C12orf54: variants seen among roughly 807,000 people sequenced by gnomAD.
The protein encoded by C12orf54 is uncharacterized protein C12orf54.
A neutral mutation model predicts 26.4 loss-of-function variants in C12orf54; 24 were observed. The observed-to-expected ratio is 0.91, with a 90% confidence interval of 0.66 to 1.28. C12orf54 has a LOEUF of 1.28. Among genes scored for constraint, C12orf54 ranks in the 50% most tolerant of loss-of-function variants. The probability of loss-of-function intolerance (pLI) is 0.00; values close to 1 mark genes in which losing one functional copy is unlikely to be tolerated. For missense variants in C12orf54, 154 were observed against 150.9 expected (o/e 1.02, Z -0.11); for synonymous variants, 54 against 47.0 (o/e 1.15, Z -0.61).
At chr12:48,467,515 A>G in the C12orf54 span, among the ~76,000 whole-genome samples, 2 of 152,208 alleles carry the variant, frequency 1.3e-5, no homozygotes, top group East Asian at 3.8e-4. Context: ...ATTATTCTGA[A>G]TGAAAGAACC....
chr12:48,475,023 C>A, the C12orf54 span, among the ~76,000 whole-genome samples: 1 of 152,214 alleles, frequency 6.6e-6, no homozygotes, highest in Admixed American at 6.5e-5. Flanking sequence ...ACACCTCACA[C>A]AGCCGGGTAC....
chr12:48,458,688 T>C, the C12orf54 span, among the ~76,000 whole-genome samples: 5 of 152,130 alleles, frequency 3.3e-5, no homozygotes, highest in Non-Finnish European at 7.4e-5. Context: ...TAGTCATTAT[T>C]GTTTTATGCC....
At chr12:48,414,074 T>A in the C12orf54 span, among the ~76,000 whole-genome samples, 3 of 152,248 alleles carry the variant, frequency 2.0e-5, no homozygotes, top group African/African-American at 7.2e-5. Context: ...CAATTACAGA[T>A]TGATAAAGCG....
chr12:48,472,639 G>C, the C12orf54 span: 11 of 1,613,442 alleles, frequency 6.8e-6, no homozygotes, highest in Non-Finnish European at 9.3e-6. Flanking sequence ...GCTGGCTCAG[G>C]AGCCTCTGCA....
chr12:48,461,543 G>C, the C12orf54 span, among the ~76,000 whole-genome samples: 1 of 151,652 alleles, frequency 6.6e-6, no homozygotes. Flanking sequence ...TATTTTATCT[G>C]ATTATTAAGC....
chr12:48,420,129 A>T, the C12orf54 span, among the ~76,000 whole-genome samples: 14 of 152,164 alleles, frequency 9.2e-5, no homozygotes, highest in Middle Eastern at 3.4e-3. Context: ...TTACCCCAAG[A>T]ATGTGATGCA....
At chr12:48,493,063 T>C (rs1937826988) in intron 7 of C12orf54, 68 bp downstream of exon 7, 2 of 1,395,232 alleles carry the variant, frequency 1.4e-6, no homozygotes, top group East Asian at 4.6e-5. Context: ...GTGCTGGCCA[T>C]GAATATAGCT....
At chr12:48,439,124 G>A in the C12orf54 span, among the ~76,000 whole-genome samples, 1 of 152,258 alleles carries the variant, frequency 6.6e-6, no homozygotes, top group East Asian at 1.9e-4. Flanking sequence ...AGACATTTAT[G>A]CAGCCAAAAA....
chr12:48,473,266 A>T, the C12orf54 span: 4 of 1,077,100 alleles, frequency 3.7e-6, no homozygotes, highest in Non-Finnish European at 5.6e-6. Flanking sequence ...CGTGAAGAGG[A>T]GGACGTGAGT....
the C12orf54 span, among the ~76,000 whole-genome samples, chr12:48,464,457 A>G: frequency 1.3e-5 from 2 of 152,196 alleles, no homozygotes; most frequent in Non-Finnish European, 2.9e-5. Context: ...TTCCATGGTC[A>G]TGGATAGGAA....
the C12orf54 span, among the ~76,000 whole-genome samples, chr12:48,470,800 A>T: frequency 2.6e-5 from 4 of 151,908 alleles, no homozygotes; most frequent in East Asian, 7.7e-4. Context: ...TTCAATTTTT[A>T]TGTTTATTTA....
the C12orf54 span, among the ~76,000 whole-genome samples, chr12:48,415,417 A>G: frequency 1.3e-5 from 2 of 152,130 alleles, no homozygotes; most frequent in Admixed American, 1.3e-4. Context: ...AATATTGCCA[A>G]CTACTTTTAA....
chr12:48,481,229 A>G (rs1428770234), upstream of C12orf54, among the ~76,000 whole-genome samples: 2 of 151,950 alleles, frequency 1.3e-5, no homozygotes, highest in African/African-American at 2.4e-5. Flanking sequence ...TGACTTTTGG[A>G]TAGCAAAAGA....
At chr12:48,477,845 T>C (rs1954159574), upstream of C12orf54, among the ~76,000 whole-genome samples, 2 of 152,188 alleles carry the variant, frequency 1.3e-5, no homozygotes, top group South Asian at 4.1e-4. Context: ...CCAATCCTTC[T>C]GAAACTATTC....
chr12:48,450,890 C>G, the C12orf54 span, among the ~76,000 whole-genome samples: 3 of 152,176 alleles, frequency 2.0e-5, no homozygotes, highest in African/African-American at 7.2e-5. Flanking sequence ...CTAAATTCTA[C>G]CAGAGGTACA....
upstream of C12orf54, among the ~76,000 whole-genome samples, chr12:48,478,234 G>C (rs146775756): frequency 1.6e-3 from 239 of 152,272 alleles, 2 homozygotes; most frequent in African/African-American, 5.2e-3. Flanking sequence ...ATTAGGTATT[G>C]ATGGAACTTA....
At chr12:48,439,245 A>G in the C12orf54 span, among the ~76,000 whole-genome samples, 5 of 152,178 alleles carry the variant, frequency 3.3e-5, no homozygotes, top group Non-Finnish European at 4.4e-5. Context: ...AAGTCAGGAA[A>G]CAACAGGTGC....
chr12:48,437,022 G>A, the C12orf54 span, among the ~76,000 whole-genome samples: 1 of 150,668 alleles, frequency 6.6e-6, no homozygotes, highest in Non-Finnish European at 1.5e-5. Context: ...GACTAATAAA[G>A]AAGAGAGAAG....
chr12:48,473,655 G>A, the C12orf54 span: 2 of 256,688 alleles, frequency 7.8e-6, no homozygotes, highest in Non-Finnish European at 1.5e-5. Flanking sequence ...CTTGTGTCCA[G>A]TTTTTGTCCC....
Sources: gnomAD v4.1 joint callset for allele counts (sites outside exome capture counted in the v4.1 genomes callset) on GRCh38, gnomAD v4.1.1 for gene constraint, MANE v1.5 for transcripts, NCBI Gene and HGNC (gene_info 2026-07-23, HGNC 2026-07-21) for gene names.